TBC1D22A: variants seen among roughly 807,000 people sequenced by gnomAD.
The protein encoded by TBC1D22A is putative GTPase activator.
In TBC1D22A, 38 loss-of-function variants were observed where a neutral mutation model predicts 60.2. That is an observed-to-expected ratio of 0.63 (90% CI 0.49 to 0.83). The LOEUF (loss-of-function observed/expected upper bound fraction) is 0.83, where lower values mean the gene tolerates loss of function less well. Among genes scored for constraint, TBC1D22A ranks in the 40% least tolerant of loss-of-function variants. The pLI, the probability that TBC1D22A is intolerant of heterozygous loss-of-function variation, is 0.00. For missense variants in TBC1D22A, 628 were observed against 701.0 expected (o/e 0.90, Z 1.18); for synonymous variants, 302 against 281.7 (o/e 1.07, Z -0.72).
chr22:46,778,816 G>T (rs1176539908), intron 1 of TBC1D22A, among the ~76,000 whole-genome samples: 1 of 152,226 alleles, frequency 6.6e-6, no homozygotes, highest in Admixed American at 6.5e-5. Context: ...GGCCAAGGCA[G>T]GTAGATCACC....
intron 11 of TBC1D22A, among the ~76,000 whole-genome samples, chr22:47,039,799 G>A (rs1333430090): frequency 6.6e-6 from 1 of 151,834 alleles, no homozygotes; most frequent in Non-Finnish European, 1.5e-5. Flanking sequence ...GAGGCTGTAC[G>A]GAAGGTATAG....
At chr22:47,032,307 C>T (rs1217250704) in intron 10 of TBC1D22A, among the ~76,000 whole-genome samples, 1 of 152,208 alleles carries the variant, frequency 6.6e-6, no homozygotes, top group East Asian at 1.9e-4. Flanking sequence ...CCATGGCCTG[C>T]CTTGGTGCTG....
chr22:47,141,251 A>G lies in TBC1D22A; in HGVS notation c.1425+29648A>G, dbSNP rs182497913. 7.2e-3 allele frequency among the ~76,000 whole-genome samples: 1,091 copies of G among 152,250 alleles called. 7 individuals carry two copies. The highest frequency in any genetic ancestry group is 0.027 in the Middle Eastern group (8 of 294). ...AGTGACCTCCTGCCGGGCCCCTCCC[A>G]TGACATGTGGGGATTGTGGGAGCTA... is the stretch of plus-strand genomic sequence containing the variant. On this transcript the variant is annotated intron_variant, in intron 12 of 12. Transcript: ENST00000337137.
intron 11 of TBC1D22A, among the ~76,000 whole-genome samples, chr22:47,063,266 A>G (rs2063643109): frequency 6.6e-6 from 1 of 152,118 alleles, no homozygotes; most frequent in African/African-American, 2.4e-5. Context: ...ATGCGCAGCC[A>G]AGGCTGTGCG....
intron 4 of TBC1D22A, among the ~76,000 whole-genome samples, chr22:46,858,541 G>GT (rs964110445): frequency 6.6e-6 from 1 of 152,220 alleles, no homozygotes; most frequent in African/African-American, 2.4e-5. Context: ...TTATGATGAA[G>GT]TAGTCGCGGG....
At chr22:47,159,315 A>G (rs537843934) in intron 12 of TBC1D22A, among the ~76,000 whole-genome samples, 1 of 130,462 alleles carries the variant, frequency 7.7e-6, no homozygotes, top group Admixed American at 8.4e-5. Flanking sequence ...CCATGTATAC[A>G]TACACACACA....
At chr22:46,932,103 G>A (rs774367966) in intron 8 of TBC1D22A, among the ~76,000 whole-genome samples, 5 of 152,206 alleles carry the variant, frequency 3.3e-5, no homozygotes, top group Non-Finnish European at 7.3e-5. Context: ...GAAAGTGTAA[G>A]TCCTGTGCTA....
intron 4 of TBC1D22A, among the ~76,000 whole-genome samples, chr22:46,861,653 C>T (rs914382320): frequency 6.6e-6 from 1 of 152,236 alleles, no homozygotes; most frequent in Non-Finnish European, 1.5e-5. Flanking sequence ...TTGCGCACCT[C>T]CCAGGAGGGG....
intron 4 of TBC1D22A, among the ~76,000 whole-genome samples, chr22:46,863,940 C>T (rs1190785217): frequency 2.6e-5 from 4 of 152,204 alleles, no homozygotes; most frequent in Non-Finnish European, 5.9e-5. Context: ...AGCTCAGCAT[C>T]TAGCATTGTA....
intron 1 of TBC1D22A, among the ~76,000 whole-genome samples, chr22:46,763,546 G>A (rs930691588): frequency 6.6e-6 from 1 of 151,844 alleles, no homozygotes; most frequent in Non-Finnish European, 1.5e-5. Flanking sequence ...GAGACATTAC[G>A]TGGAGGGTAC....
At chr22:46,815,135 ATGT>A (rs111540116) in intron 4 of TBC1D22A, among the ~76,000 whole-genome samples, 95 of 152,012 alleles carry the variant, frequency 6.2e-4, no homozygotes, top group African/African-American at 2.2e-3. Context: ...TTTGTTTTTG[ATGT>A]TGTTTTTTAT....
intron 9 of TBC1D22A, among the ~76,000 whole-genome samples, chr22:46,991,779 T>C (rs2074950236): frequency 6.6e-6 from 1 of 152,178 alleles, no homozygotes; most frequent in South Asian, 2.1e-4. Flanking sequence ...CCTTCCAGCC[T>C]CGGAACGGTC....
rs190282188 is a variant in TBC1D22A at position 47,131,852 on chromosome 22, G to A, written c.1425+20249G>A. 1.6e-3 allele frequency among the ~76,000 whole-genome samples: 251 copies of A among 152,304 alleles called. 1 individual carries two copies. The highest frequency in any genetic ancestry group is 5.5e-3 in the African/African-American group (228 of 41,584). On this transcript the variant is annotated intron_variant, in intron 12 of 12. Coordinates refer to ENST00000337137, the MANE Select transcript of TBC1D22A (RefSeq NM_014346.5). ...GAGCCAGAAGTGAGTGCACAGTCCC[G>A]GGGCGCCCGCCCCGTCCAAGCCCAG... is the stretch of plus-strand genomic sequence containing the variant.
intron 3 of TBC1D22A, among the ~76,000 whole-genome samples, chr22:46,796,072 T>A (rs1353665772): frequency 6.6e-6 from 1 of 152,118 alleles, no homozygotes; most frequent in African/African-American, 2.4e-5. Flanking sequence ...AGCCCACTGC[T>A]TGGTGTGCGG....
At chr22:47,100,892 G>A (rs921458936) in intron 11 of TBC1D22A, among the ~76,000 whole-genome samples, 1 of 152,214 alleles carries the variant, frequency 6.6e-6, no homozygotes, top group Non-Finnish European at 1.5e-5. Context: ...GCTCGCCTCA[G>A]AGGGATCGCT....
In TBC1D22A at chr22:46,912,088, C is replaced by G; in HGVS notation, c.915C>G (p.Ile305Met). The G allele has an allele frequency of 6.2e-7, 1 of 1,613,104 alleles. No homozygotes were observed. Among genetic ancestry groups the G allele is most frequent in the Non-Finnish European group, 8.5e-7 (1 of 1,179,642 alleles). ...QPKVTEIFERILFIWAIRHPA... is the reference protein window; with the variant it reads ...QPKVTEIFERMLFIWAIRHPA... The stretch of plus-strand genomic sequence containing the variant: ...TTTTCTTTCAGATTTTTGAAAGGAT[C>G]TTGTTCATATGGGCGATCCGCCACC... The change falls in exon 8 of 13, where the codon ATC (isoleucine) becomes ATG (methionine). Residue 305 changes from isoleucine to methionine, a missense_variant. Coordinates refer to ENST00000337137, the MANE Select transcript of TBC1D22A (RefSeq NM_014346.5).
At chr22:47,117,193 A>G (rs549982321) in intron 12 of TBC1D22A, 1 of 157,348 alleles carries the variant, frequency 6.4e-6, no homozygotes, top group Admixed American at 6.5e-5. Context: ...AGCCATGAGC[A>G]ATATGAAAAG....
intron 4 of TBC1D22A, among the ~76,000 whole-genome samples, chr22:46,818,061 G>A (rs1368634868): frequency 6.6e-6 from 1 of 152,200 alleles, no homozygotes; most frequent in African/African-American, 2.4e-5. Flanking sequence ...CTTCTTTTGA[G>A]AAGTATCTGT....
At chr22:46,976,654 T>C (rs770938968) in intron 9 of TBC1D22A, among the ~76,000 whole-genome samples, 2 of 152,242 alleles carry the variant, frequency 1.3e-5, no homozygotes, top group Non-Finnish European at 2.9e-5. Context: ...CATTTCATTC[T>C]TTTGGAACTG....
Sources: gnomAD v4.1 joint callset for allele counts (sites outside exome capture counted in the v4.1 genomes callset) on GRCh38, gnomAD v4.1.1 for gene constraint, MANE v1.5 for transcripts, NCBI Gene and HGNC (gene_info 2026-07-23, HGNC 2026-07-21) for gene names.